The following RIMBP2 variants were observed in gnomAD, a reference collection of about 807,000 sequenced individuals.
RIMBP2 encodes RIMS-binding protein 2.
A neutral mutation model predicts 118.6 loss-of-function variants in RIMBP2; 48 were observed. The ratio of observed to expected loss-of-function variants is 0.40; its 90% CI spans 0.32 to 0.51. The LOEUF (loss-of-function observed/expected upper bound fraction) is 0.51. RIMBP2 is among the 20% of genes least tolerant of loss of function. The pLI is 0.41. For synonymous variants in RIMBP2, 762 were observed against 742.9 expected (o/e 1.03, Z -0.42); for missense variants, 1,551 against 1,768.3 (o/e 0.88, Z 2.20).
In RIMBP2 at chr12:130,447,340, G is replaced by A. The variant is rs559614306; in HGVS notation, c.582-2071C>T. ...GTGACAACCTCGTCGGTGCTCCTGC[G>A]TGTGGGCCCTGGAGGCCACCCGACC... On this transcript the variant is annotated intron_variant, in intron 9 of 22. Transcript: ENST00000690449. This position sits in a 1 kb window ranked among gnomAD's most constrained non-coding sequence, Gnocchi z 4.4. 9.2e-5 allele frequency among the ~76,000 whole-genome samples: 14 copies of A among 151,910 alleles called. No homozygotes were observed. The highest frequency in any genetic ancestry group is 3.3e-4 in the Admixed American group (5 of 15,274).
intron 6 of RIMBP2, among the ~76,000 whole-genome samples, chr12:130,468,471 C>T (rs1420296233): frequency 6.6e-6 from 1 of 152,098 alleles, no homozygotes; most frequent in Non-Finnish European, 1.5e-5. Flanking sequence ...ACCACTTGTC[C>T]AGAAGTGGGA....
rs566868476 is a variant in RIMBP2 at position 130,397,193 on chromosome 12, C to A, written c.*168G>T. On this transcript the variant is annotated 3_prime_UTR_variant, in exon 23 of 23. Transcript: ENST00000690449. ...GCGGTGACAGAGAGCAACCGCTCCT[C>A]TTTGTTCTCGTGGTTGGTTTAAAGT... 221 of 375,050 alleles carry A rather than the reference C, an allele frequency of 5.9e-4. 1 individual carries two copies. Among genetic ancestry groups the A allele is most frequent in the South Asian group, 1.3e-3 (9 of 6,756 alleles). 23.2% of individuals were successfully genotyped at this position (375,050 alleles called of 1,614,324 possible). A position where few individuals can be genotyped will look rare whatever the true frequency, so the allele number is the denominator to read the frequency against.
chr12:130,467,387 A>T (rs75860310), intron 6 of RIMBP2, among the ~76,000 whole-genome samples: 3,102 of 152,336 alleles, frequency 0.02, 85 homozygotes, highest in East Asian at 0.15. Flanking sequence ...TGGATGAACT[A>T]GCTCATCTGG....
chr12:130,588,611 A>G (rs1224859677), intron 2 of RIMBP2, among the ~76,000 whole-genome samples: 1 of 152,210 alleles, frequency 6.6e-6, no homozygotes, highest in Non-Finnish European at 1.5e-5. Flanking sequence ...AGAGGTCCTC[A>G]TTGTCAGAAC....
chr12:130,441,783 C>A, intron 11 of RIMBP2, 65 bp downstream of exon 11: 1 of 1,431,462 alleles, frequency 7.0e-7, no homozygotes, highest in Non-Finnish European at 9.6e-7. Flanking sequence ...CCTTCCCTCC[C>A]CACTAGCAGG....
At chr12:130,673,989 G>A (rs1244742717) in intron 1 of RIMBP2, among the ~76,000 whole-genome samples, 2 of 151,044 alleles carry the variant, frequency 1.3e-5, no homozygotes, top group East Asian at 1.9e-4. Context: ...GGCGTAGCAC[G>A]CACCTGTAAT....
At chr12:130,649,421 A>G (rs1028118190) in intron 1 of RIMBP2, among the ~76,000 whole-genome samples, 15 of 152,174 alleles carry the variant, frequency 9.9e-5, no homozygotes, top group African/African-American at 3.6e-4. Flanking sequence ...GGTACTGGGA[A>G]GGGCGGCGCC....
Position 130,487,154 on chromosome 12 carries a change from T to TC in RIMBP2, c.-3-8139dup, listed in dbSNP as rs1445748885. ...TGATCACGTCAAGGTCATCCCCAAC[T>TC]CCAGGTCTTAGCGAGTGCCATTCCT... On this transcript the variant is annotated intron_variant, in intron 4 of 22. Coordinates refer to ENST00000690449, the MANE Select transcript of RIMBP2 (RefSeq NM_001393629.1). 2.0e-5 allele frequency among the ~76,000 whole-genome samples: 3 copies of TC among 152,294 alleles called. No individual in the cohort carries two copies. In the South Asian group the frequency reaches 6.2e-4, roughly 32 times the overall value.
At chr12:130,536,905 C>T (rs566847223) in intron 2 of RIMBP2, among the ~76,000 whole-genome samples, 5 of 152,248 alleles carry the variant, frequency 3.3e-5, no homozygotes, top group African/African-American at 1.2e-4. Flanking sequence ...GACACTTCTC[C>T]TCTGGGGTAC....
At chr12:130,454,656 C>A (rs566937973) in intron 7 of RIMBP2, among the ~76,000 whole-genome samples, 1 of 152,276 alleles carries the variant, frequency 6.6e-6, no homozygotes, top group South Asian at 2.1e-4. Flanking sequence ...CTCTGCCAGG[C>A]GGCCCTGGCT....
rs2051646405 is a variant in RIMBP2, at chr12:130,517,929, G to A, written c.-216-12C>T. The A allele has an allele frequency of 2.1e-6, 2 of 973,704 alleles. No individual in the cohort carries two copies. The highest frequency in any genetic ancestry group is 2.4e-6 in the Non-Finnish European group (2 of 818,886). The allele number at this position is 973,704 out of a possible 1,614,324, so 60.3% of individuals were successfully genotyped here. A position where few individuals can be genotyped will look rare whatever the true frequency, so the allele number is the denominator to read the frequency against. On this transcript the variant is annotated splice_polypyrimidine_tract_variant and intron_variant, in intron 2 of 22. Coordinates refer to ENST00000690449, the MANE Select transcript of RIMBP2 (RefSeq NM_001393629.1). ...TTCAGTTCATTTTCCTAGGACAAAAGGAAAGGACATGTGAGATGGTGCCCC... is the reference window on the plus strand; with the variant it reads ...TTCAGTTCATTTTCCTAGGACAAAAAGAAAGGACATGTGAGATGGTGCCCC...
chr12:130,642,564 C>T (rs996923121), intron 1 of RIMBP2, among the ~76,000 whole-genome samples: 1 of 152,188 alleles, frequency 6.6e-6, no homozygotes, highest in Non-Finnish European at 1.5e-5. Context: ...GGATTACAGG[C>T]GTGAGCCACC....
chr12:130,518,405 CA>C (rs1191828925), intron 2 of RIMBP2, among the ~76,000 whole-genome samples: 1 of 152,088 alleles, frequency 6.6e-6, no homozygotes, highest in African/African-American at 2.4e-5. Context: ...ATTCAGAGTC[CA>C]AAAATAGGCA....
intron 10 of RIMBP2, 143 bp downstream of exon 10, chr12:130,445,017 G>A (rs1041299777): frequency 1.1e-5 from 6 of 552,974 alleles, no homozygotes; most frequent in Non-Finnish European, 1.9e-5. Flanking sequence ...TGGTAACTAC[G>A]GAGTGGGGAA....
chr12:130,433,027 C>T (rs191091629), intron 14 of RIMBP2, among the ~76,000 whole-genome samples: 2 of 152,280 alleles, frequency 1.3e-5, no homozygotes, highest in East Asian at 3.9e-4. Context: ...TCTGTAAATT[C>T]CTACGCTGCA....
At chr12:130,412,874 C>T (rs921552147) in intron 18 of RIMBP2, 87 bp from the exon 19 acceptor site, 21 of 1,213,084 alleles carry the variant, frequency 1.7e-5, no homozygotes, top group African/African-American at 6.1e-5. Context: ...TGAGTGTAGT[C>T]GAAAATATAT....
chr12:130,468,836 G>C (rs2080748306), intron 6 of RIMBP2, among the ~76,000 whole-genome samples: 1 of 152,182 alleles, frequency 6.6e-6, no homozygotes, highest in African/African-American at 2.4e-5. Context: ...CCCCAGGACT[G>C]CTCTCCCAGC....
At chr12:130,678,468 G>A (rs983472446) in intron 1 of RIMBP2, among the ~76,000 whole-genome samples, 6 of 152,124 alleles carry the variant, frequency 3.9e-5, no homozygotes, top group African/African-American at 1.4e-4. Flanking sequence ...TTGGAAACAC[G>A]ACACCCAGTC....
At chr12:130,646,310 A>G (rs894403939) in intron 1 of RIMBP2, among the ~76,000 whole-genome samples, 7 of 42,848 alleles carry the variant, frequency 1.6e-4, no homozygotes, top group African/African-American at 5.6e-4. Flanking sequence ...CACCTCCCTC[A>G]CCACTTCCCT....
Sources: allele counts gnomAD v4.1 joint callset (sites outside exome capture counted in the v4.1 genomes callset), GRCh38; gene constraint gnomAD v4.1.1; non-coding constraint Gnocchi (gnomAD v3.1); transcripts MANE v1.5; gene names NCBI Gene and HGNC (gene_info 2026-07-23, HGNC 2026-07-21).